The following TIGD2 variants were observed in gnomAD, a reference collection of about 807,000 sequenced individuals.
TIGD2 encodes tigger transposable element-derived protein 2.
A neutral mutation model predicts 27.0 loss-of-function variants in TIGD2; 14 were observed. The observed-to-expected ratio is 0.52, with a 90% CI of 0.34 to 0.81. TIGD2 has a LOEUF of 0.81. Ranked by LOEUF, TIGD2 falls within the 30% of genes least tolerant of loss-of-function variation. The pLI is 0.01. For missense variants in TIGD2, 590 were observed against 617.3 expected, an observed-to-expected ratio of 0.96 and a Z score of 0.47; for synonymous variants, 201 against 209.0, an observed-to-expected ratio of 0.96 and a Z score of 0.33.
In TIGD2 at chr4:89,112,740, G is replaced by A. The variant is rs1445196779; in HGVS notation, c.-235G>A. 1 of 452,934 alleles carries A rather than the reference G, an allele frequency of 2.2e-6. No homozygotes were observed. Among genetic ancestry groups the A allele is most frequent in the East Asian group, 3.7e-5 (1 of 27,220 alleles). 28.1% of individuals were successfully genotyped at this position (452,934 alleles called of 1,614,324 possible). On this transcript the variant is annotated 5_prime_UTR_variant, in exon 2 of 2. Transcript: ENST00000603357. Reference sequence around the variant, plus strand: ...ATGAAAGACCCTGAACCCTGAGGAGGAAGAAAGATAGAAGATAAGAGTTAA... The same window carrying A: ...ATGAAAGACCCTGAACCCTGAGGAGAAAGAAAGATAGAAGATAAGAGTTAA...
chr4:89,112,966 A>G lies in TIGD2; in HGVS notation c.-9A>G. Reference sequence around the variant, plus strand: ...TTCTAGTAATCACCTAAAATATTAGACACTTAAAATGTTGGGGAAACGTAA... The same window carrying G: ...TTCTAGTAATCACCTAAAATATTAGGCACTTAAAATGTTGGGGAAACGTAA... On this transcript the variant is annotated 5_prime_UTR_variant, in exon 2 of 2. Transcript: ENST00000603357. 12 of 1,542,852 alleles carry G rather than the reference A, an allele frequency of 7.8e-6. No homozygotes were observed. Among genetic ancestry groups the G allele is most frequent in the Non-Finnish European group, 1.0e-5 (12 of 1,147,872 alleles).
At position 89,113,589 on chromosome 4, in the gene TIGD2, CAG is replaced by C; in HGVS notation, c.623_624del (p.Arg208AsnfsTer16). The C allele has an allele frequency of 1.9e-6, 3 of 1,613,790 alleles. No individual in the cohort carries two copies. Among genetic ancestry groups the C allele is most frequent in the Non-Finnish European group, 1.7e-6 (2 of 1,179,954 alleles). ...DQSTSGCRSSRERIIIMCCAN... is the reference protein window; with the variant it reads ...DQSTSGCRSSXERIIIMCCAN... ...AAAGTACTTCTGGGTGTAGGTCAAG[CAG>C]AGAGAGAATCATCATTATGTGTTGC... On this transcript the variant is annotated frameshift_variant, in exon 2 of 2. Transcript: ENST00000603357. LOFTEE classifies it high-confidence loss of function.
At chr4:89,111,367 A>T (rs1306467320), upstream of TIGD2, 4 of 329,730 alleles carry the variant, frequency 1.2e-5, no homozygotes, top group Non-Finnish European at 1.7e-5. Flanking sequence ...CGAAACGGCC[A>T]GGCGGTGAGT....
rs1045450474 is a variant in TIGD2, at chr4:89,114,716, C to T, written c.*164C>T. 1.5e-6 allele frequency: 1 copy of T among 680,536 alleles called. No individual in the cohort carries two copies. Among genetic ancestry groups the T allele is most frequent in the South Asian group, 2.3e-5 (1 of 44,008 alleles). The allele number at this position is 680,536 out of a possible 1,614,324, so 42.2% of individuals were successfully genotyped here. ...TTAAATTACAACTCTTTAATGTTGA[C>T]TCTAGTCATTGGGCATTGACGTGTA... On this transcript the variant is annotated 3_prime_UTR_variant, in exon 2 of 2. Transcript: ENST00000603357.
chr4:89,113,891 A>G lies in TIGD2; in HGVS notation c.917A>G (p.Asp306Gly). Residue 306 changes from aspartate (D) to glycine (G), a missense_variant, in exon 2 of 2, where the codon GAT becomes GGT. Transcript: ENST00000603357. ...CCAAATGAAGAAATGTTGAGTTCAG[A>G]TGATGGCAGAATAATTGTGAAGTAT... ...ARPNEEMLSS[D>G]DGRIIVKYLP... 3 of 1,614,248 alleles carry G rather than the reference A, an allele frequency of 1.9e-6. No homozygotes were observed. The highest frequency in any genetic ancestry group is 2.5e-6 in the Non-Finnish European group (3 of 1,180,040).
upstream of TIGD2, chr4:89,111,299 G>A (rs1002330820): frequency 1.1e-4 from 96 of 866,624 alleles, no homozygotes; most frequent in Admixed American, 1.4e-3. Context: ...ACTGGGAAAA[G>A]CGCCAGGACA....
chr4:89,112,981 G>C lies in TIGD2; in HGVS notation c.7G>C (p.Gly3Arg). Residue 3 changes from glycine (G) to arginine (R), a missense_variant, in exon 2 of 2, where the codon GGG becomes CGG. Coordinates refer to ENST00000603357, the MANE Select transcript of TIGD2 (RefSeq NM_145715.3). ML[G>R]KRKRVVLTIK... ...AAAATATTAGACACTTAAAATGTTGGGGAAACGTAAGCGTGTGGTGTTGAC... is the reference window on the plus strand; with the variant it reads ...AAAATATTAGACACTTAAAATGTTGCGGAAACGTAAGCGTGTGGTGTTGAC... 1 of 1,561,376 alleles carries C rather than the reference G, an allele frequency of 6.4e-7. No homozygotes were observed. Among genetic ancestry groups the C allele is most frequent in the Non-Finnish European group, 8.6e-7 (1 of 1,157,458 alleles).
Position 89,114,218 on chromosome 4 carries a change from A to G in TIGD2, c.1244A>G (p.Gln415Arg), listed in dbSNP as rs138182196. Residue 415 changes from glutamine to arginine, a missense_variant, in exon 2 of 2, where the codon CAG becomes CGG. Around this residue, in one of 3 missense-constraint regions of TIGD2, gnomAD observed 451 missense variants for 448.0 expected, o/e 1.01. Transcript: ENST00000603357. Reference sequence around the variant, plus strand: ...GCAGCTAATTTAGCAACAGTTTTACAGAACACAGAAGAATGTGAACATGTT... The same window carrying G: ...GCAGCTAATTTAGCAACAGTTTTACGGAACACAGAAGAATGTGAACATGTT... ...ILAANLATVL[Q>R]NTEECEHVDI... 3.7e-6 allele frequency: 6 copies of G among 1,614,100 alleles called. No homozygotes were observed. In the African/African-American group the frequency reaches 5.3e-5, roughly 14 times the overall value.
rs758651005 is a variant in TIGD2 at position 89,114,239 on chromosome 4, A to C, written c.1265A>C (p.His422Pro). 2 of 1,614,042 alleles carry C rather than the reference A, an allele frequency of 1.2e-6. No homozygotes were observed. Among genetic ancestry groups the C allele is most frequent in the African/African-American group, 1.3e-5 (1 of 74,944 alleles). ...TVLQNTEECE[H>P]VDIENIDQWF... Reference sequence around the variant, plus strand: ...TTACAGAACACAGAAGAATGTGAACATGTTGACATTGAGAATATTGATCAG... The same window carrying C: ...TTACAGAACACAGAAGAATGTGAACCTGTTGACATTGAGAATATTGATCAG... The change falls in exon 2 of 2, where the codon CAT (histidine) becomes CCT (proline). Residue 422 changes from histidine (H) to proline (P), a missense_variant. His to Pro is a moderately conservative substitution (Grantham distance 77). This residue lies in a region of TIGD2 where 451 missense variants were observed against 448.0 expected (regional missense o/e 1.01). Transcript: ENST00000603357.
At chr4:89,111,228 G>C (rs913820241), upstream of TIGD2, 90 of 984,750 alleles carry the variant, frequency 9.1e-5, no homozygotes, top group African/African-American at 1.5e-3. Flanking sequence ...CCAGCACTGG[G>C]GGGGTGAGAT....
Position 89,113,530 on chromosome 4 carries a change from C to G in TIGD2, c.556C>G (p.Leu186Val). The part of the protein sequence containing the change: ...ADQTGLFWKC[L>V]PSRTLTLETD... ...TCAAACTGGATTGTTTTGGAAATGT[C>G]TACCATCAAGGACATTAACTCTTGA... is the stretch of plus-strand genomic sequence containing the variant. The change falls in exon 2 of 2, where the codon CTA becomes GTA. Residue 186 changes from leucine (L) to valine (V), a missense_variant. Leu to Val is a conservative substitution (Grantham distance 32, BLOSUM62 1). Around this residue, in one of 3 missense-constraint regions of TIGD2, gnomAD observed 451 missense variants for 448.0 expected, o/e 1.01. Transcript: ENST00000603357. 1.9e-6 allele frequency: 3 copies of G among 1,614,112 alleles called. No homozygotes were observed. The highest frequency in any genetic ancestry group is 1.7e-6 in the Non-Finnish European group (2 of 1,180,002).
chr4:89,114,707 T>A lies in TIGD2; in HGVS notation c.*155T>A. The A allele has an allele frequency of 1.4e-6, 1 of 712,878 alleles. No homozygotes were observed. Among genetic ancestry groups the A allele is most frequent in the Non-Finnish European group, 2.3e-6 (1 of 439,832 alleles). The allele number at this position is 712,878 out of a possible 1,614,324, so 44.2% of individuals were successfully genotyped here. A position where few individuals can be genotyped will look rare whatever the true frequency, so the allele number is the denominator to read the frequency against. ...TTGGATTACTTAAATTACAACTCTTTAATGTTGACTCTAGTCATTGGGCAT... is the reference window on the plus strand; with the variant it reads ...TTGGATTACTTAAATTACAACTCTTAAATGTTGACTCTAGTCATTGGGCAT... On this transcript the variant is annotated 3_prime_UTR_variant, in exon 2 of 2. Coordinates refer to ENST00000603357, the MANE Select transcript of TIGD2 (RefSeq NM_145715.3).
chr4:89,112,830 C>G lies in TIGD2; in HGVS notation c.-145C>G. ...AAATAGCAAGTAGATTCACGTAGAC[C>G]TTGTCAGGAAATTGGTCACTATCCA... is the stretch of plus-strand genomic sequence containing the variant. On this transcript the variant is annotated 5_prime_UTR_variant, in exon 2 of 2. Transcript: ENST00000603357. 3 of 650,952 alleles carry G rather than the reference C, an allele frequency of 4.6e-6. No individual in the cohort carries two copies. The allele number at this position is 650,952 out of a possible 1,614,324, so 40.3% of individuals were successfully genotyped here.
rs201858844 is a variant in TIGD2, at chr4:89,113,247, A to G, written c.273A>G (p.Lys91=). ...TGATAGAGTGGTTTAACCAACAGAA[A>G]ACAGATGGGATTCCAGTGTCCGGAA... ...RVMIEWFNQQ[K]TDGIPVSGTI... Residue 91 remains lysine (K), a synonymous_variant, in exon 2 of 2, where the codon AAA becomes AAG. Transcript: ENST00000603357. 347 of 1,614,082 alleles carry G rather than the reference A, an allele frequency of 2.1e-4. 2 individuals are homozygous for G. The highest frequency in any genetic ancestry group is 1.6e-5 in the Non-Finnish European group (19 of 1,180,030).
At position 89,111,578 on chromosome 4, in the gene TIGD2, C is replaced by G. The variant is rs1309389081; in HGVS notation, c.-1214C>G. ...CGGCGGCGACGCTCGTCCCTCTCCG[C>G]TCGTCCCTCGCCGCTGCCGGGCCAC... On this transcript the variant is annotated 5_prime_UTR_variant, in exon 1 of 2. Coordinates refer to ENST00000603357, the MANE Select transcript of TIGD2 (RefSeq NM_145715.3). The G allele has an allele frequency of 3.9e-5, 6 of 152,660 alleles. No homozygotes were observed. The highest frequency in any genetic ancestry group is 7.3e-5 in the Non-Finnish European group (5 of 68,442). The allele number at this position is 152,660 out of a possible 1,614,324, so 9.5% of individuals were successfully genotyped here.
Position 89,114,674 on chromosome 4 carries a change from A to T in TIGD2, c.*122A>T. 9.4e-7 allele frequency: 1 copy of T among 1,063,470 alleles called. No homozygotes were observed. The highest frequency in any genetic ancestry group is 1.3e-6 in the Non-Finnish European group (1 of 747,630). The allele number at this position is 1,063,470 out of a possible 1,614,324, so 65.9% of individuals were successfully genotyped here. The stretch of plus-strand genomic sequence containing the variant: ...ATTTTATAAATGATTTTGGAATTAG[A>T]TGTCAGTTTGGATTACTTAAATTAC... On this transcript the variant is annotated 3_prime_UTR_variant, in exon 2 of 2. Coordinates refer to ENST00000603357, the MANE Select transcript of TIGD2 (RefSeq NM_145715.3).
chr4:89,114,156 G>T lies in TIGD2; in HGVS notation c.1182G>T (p.Glu394Asp). ...AAAAACTTTTCCCTGGCAATGAAGAGAATTCAGGTATGAACATTGATGAAG... is the reference window on the plus strand; with the variant it reads ...AAAAACTTTTCCCTGGCAATGAAGATAATTCAGGTATGAACATTGATGAAG... ...AWKKLFPGNE[E>D]NSGMNIDEGA... Residue 394 changes from glutamate to aspartate, a missense_variant, in exon 2 of 2, where the codon GAG becomes GAT. Glu to Asp is a conservative substitution (Grantham distance 45, BLOSUM62 2). This residue lies in a region of TIGD2 where 451 missense variants were observed against 448.0 expected (regional missense o/e 1.01). Coordinates refer to ENST00000603357, the MANE Select transcript of TIGD2 (RefSeq NM_145715.3). 1 of 1,614,126 alleles carries T rather than the reference G, an allele frequency of 6.2e-7. No homozygotes were observed. Among genetic ancestry groups the T allele is most frequent in the Non-Finnish European group, 8.5e-7 (1 of 1,179,992 alleles).
In TIGD2 at chr4:89,111,839, G is replaced by A. The variant is rs1244464962; in HGVS notation, c.-953G>A. The A allele has an allele frequency of 1.3e-5, 2 of 152,216 alleles. No homozygotes were observed. The highest frequency in any genetic ancestry group is 2.9e-5 in the Non-Finnish European group (2 of 68,038). 9.4% of individuals were successfully genotyped at this position (152,216 alleles called of 1,614,324 possible). A position where few individuals can be genotyped will look rare whatever the true frequency, so the allele number is the denominator to read the frequency against. On this transcript the variant is annotated 5_prime_UTR_variant, in exon 1 of 2. Coordinates refer to ENST00000603357, the MANE Select transcript of TIGD2 (RefSeq NM_145715.3). ...CTCTGAAGCTCGCCCAGCGGGGAGA[G>A]GCCCTCGCTAACACGGCTTCTCCCT...
At position 89,113,911 on chromosome 4, in the gene TIGD2, A is replaced by C; in HGVS notation, c.937A>C (p.Lys313Gln). 1 of 1,614,222 alleles carries C rather than the reference A, an allele frequency of 6.2e-7. No homozygotes were observed. The highest frequency in any genetic ancestry group is 8.5e-7 in the Non-Finnish European group (1 of 1,180,038). ...TTCAGATGATGGCAGAATAATTGTGAAGTATTTGCCACCAAATGTCACAAG... is the reference window on the plus strand; with the variant it reads ...TTCAGATGATGGCAGAATAATTGTGCAGTATTTGCCACCAAATGTCACAAG... Reference protein sequence around the residue: ...LSSDDGRIIVKYLPPNVTSLI... With the variant: ...LSSDDGRIIVQYLPPNVTSLI... The change falls in exon 2 of 2, where the codon AAG (lysine) becomes CAG (glutamine). Residue 313 changes from lysine (K) to glutamine (Q), a missense_variant. Coordinates refer to ENST00000603357, the MANE Select transcript of TIGD2 (RefSeq NM_145715.3).
Sources: allele counts gnomAD v4.1 joint callset, GRCh38; gene constraint gnomAD v4.1.1; regional missense constraint gnomAD v4.1.1; transcripts MANE v1.5; gene names NCBI Gene and HGNC (gene_info 2026-07-23, HGNC 2026-07-21).